Variants in TASP1 observed in about 807,000 individuals in gnomAD.
The protein encoded by TASP1 is threonine aspartase 1.
Under a neutral mutation model 56.6 loss-of-function variants are expected in TASP1, and 16 were observed. The observed-to-expected ratio is 0.28, with a 90% CI of 0.19 to 0.43. The LOEUF (loss-of-function observed/expected upper bound fraction) is 0.43. TASP1 is among the 20% of genes least tolerant of loss of function. The pLI is 1.00. For synonymous variants in TASP1, 179 were observed against 184.2 expected, an observed-to-expected ratio of 0.97 and a Z score of 0.23; for missense variants, 393 against 511.6, an observed-to-expected ratio of 0.77 and a Z score of 2.24.
the TASP1 span, among the ~76,000 whole-genome samples, chr20:13,230,751 A>G: frequency 2.0e-5 from 3 of 152,012 alleles, no homozygotes; most frequent in African/African-American, 7.2e-5. Context: ...TTGTAGAAAA[A>G]AAAAGAAAAG....
At chr20:13,168,841 C>G in the TASP1 span, 2 of 151,922 alleles carry the variant, frequency 1.3e-5, no homozygotes, top group Non-Finnish European at 2.9e-5. Flanking sequence ...TTTAGAATGC[C>G]CTACTCAGCT....
At chr20:13,165,842 C>G in the TASP1 span, 1 of 152,202 alleles carries the variant, frequency 6.6e-6, no homozygotes, top group Non-Finnish European at 1.5e-5. Flanking sequence ...CTGACTTTTT[C>G]AAGACCAACA....
intron 8 of TASP1, among the ~76,000 whole-genome samples, chr20:13,558,630 T>C (rs2046241717): frequency 6.6e-6 from 1 of 152,074 alleles, no homozygotes; most frequent in Admixed American, 6.5e-5. Context: ...ACAGATCAAA[T>C]ATATCTAATA....
At chr20:13,518,679 G>A (rs2146779633) in intron 10 of TASP1, among the ~76,000 whole-genome samples, 1 of 152,096 alleles carries the variant, frequency 6.6e-6, no homozygotes, top group Non-Finnish European at 1.5e-5. Flanking sequence ...TTCAGCAGTT[G>A]TAGGTAATAA....
At chr20:13,143,434 G>C in the TASP1 span, among the ~76,000 whole-genome samples, 1 of 152,152 alleles carries the variant, frequency 6.6e-6, no homozygotes, top group Non-Finnish European at 1.5e-5. Context: ...AGTATGCAGT[G>C]GGCATTATTA....
At chr20:13,364,461 G>A in the TASP1 span, among the ~76,000 whole-genome samples, 2 of 152,106 alleles carry the variant, frequency 1.3e-5, no homozygotes, top group Non-Finnish European at 2.9e-5. Flanking sequence ...TGGCCCCATG[G>A]CCATGGCAGG....
the TASP1 span, among the ~76,000 whole-genome samples, chr20:13,159,403 T>C: frequency 1.3e-5 from 2 of 152,162 alleles, no homozygotes; most frequent in Admixed American, 1.3e-4. Context: ...CAGGAGACCT[T>C]GCTATTTCTT....
the TASP1 span, among the ~76,000 whole-genome samples, chr20:13,196,118 T>TTAAG: frequency 1.3e-5 from 2 of 152,340 alleles, no homozygotes; most frequent in Non-Finnish European, 1.5e-5. Context: ...ATGCATTCAC[T>TTAAG]TAGCCATTAT....
At chr20:13,616,686 A>G (rs2048536291) in intron 4 of TASP1, among the ~76,000 whole-genome samples, 1 of 151,784 alleles carries the variant, frequency 6.6e-6, no homozygotes, top group African/African-American at 2.4e-5. Context: ...CTGCTTTTCC[A>G]TTAAGCAGGT....
rs151224677 is a variant in TASP1 at position 13,467,417 on chromosome 20, TAA to T, written c.985+15808_985+15809del. Among the ~76,000 whole-genome samples the T allele has an allele frequency of 6.8e-3, 856 of 126,728 alleles. 7 individuals carry two copies. The highest frequency in any genetic ancestry group is 0.021 in the African/African-American group (765 of 36,156). 83.1% of individuals were successfully genotyped at this position (126,728 alleles called of 152,430 possible). A position where few individuals can be genotyped will look rare whatever the true frequency, so the allele number is the denominator to read the frequency against. On this transcript the variant is annotated intron_variant, in intron 11 of 13. Coordinates refer to ENST00000337743, the MANE Select transcript of TASP1 (RefSeq NM_017714.3). ...TTCAACCATCTTTAAAATGTCTTCC[TAA>T]AAAAAAAAAAAAAGCTAATTACTCC... is the stretch of plus-strand genomic sequence containing the variant.
intron 7 of TASP1, among the ~76,000 whole-genome samples, chr20:13,561,657 A>T (rs1233686750): frequency 6.6e-6 from 1 of 152,130 alleles, no homozygotes; most frequent in Non-Finnish European, 1.5e-5. Context: ...ATGAGCCACC[A>T]TGCCTAGCTT....
chr20:13,444,226 A>C (rs1037618005), intron 11 of TASP1, among the ~76,000 whole-genome samples: 12 of 152,178 alleles, frequency 7.9e-5, no homozygotes, highest in African/African-American at 2.4e-4. Context: ...AACCGGACAC[A>C]CAGCTTCCTC....
chr20:13,314,494 G>GA, the TASP1 span, among the ~76,000 whole-genome samples: 4 of 150,990 alleles, frequency 2.6e-5, no homozygotes, highest in African/African-American at 9.7e-5. Flanking sequence ...TTGAGAGAGA[G>GA]AAAAAAAACC....
chr20:13,190,883 T>TA, the TASP1 span, among the ~76,000 whole-genome samples: 1 of 150,998 alleles, frequency 6.6e-6, no homozygotes, highest in Non-Finnish European at 1.5e-5. Flanking sequence ...AAATAACAGC[T>TA]AAAAAAGAAA....
At chr20:13,320,635 C>T in the TASP1 span, among the ~76,000 whole-genome samples, 1 of 152,108 alleles carries the variant, frequency 6.6e-6, no homozygotes, top group Non-Finnish European at 1.5e-5. Flanking sequence ...TTATTGCTCT[C>T]TCATTAAAAA....
At chr20:13,336,813 C>T in the TASP1 span, among the ~76,000 whole-genome samples, 1 of 152,036 alleles carries the variant, frequency 6.6e-6, no homozygotes, top group Non-Finnish European at 1.5e-5. Context: ...AGCAGGTACT[C>T]CTAACATTGG....
intron 8 of TASP1, among the ~76,000 whole-genome samples, chr20:13,540,063 C>T (rs111375065): frequency 2.4e-4 from 36 of 152,212 alleles, no homozygotes; most frequent in South Asian, 8.3e-4. Flanking sequence ...CTCACTCATA[C>T]GCAGTTTAAT....
the TASP1 span, among the ~76,000 whole-genome samples, chr20:13,268,189 C>A: frequency 6.6e-6 from 1 of 151,380 alleles, no homozygotes; most frequent in Non-Finnish European, 1.5e-5. Flanking sequence ...CTCTTCTCTT[C>A]ACTTCGCTTC....
chr20:13,421,702 C>A (rs1394155427), intron 12 of TASP1, among the ~76,000 whole-genome samples: 1 of 152,096 alleles, frequency 6.6e-6, no homozygotes, highest in East Asian at 1.9e-4. Flanking sequence ...AAGTTTGAAA[C>A]AACATCGTGT....
Sources: allele counts gnomAD v4.1 joint callset (sites outside exome capture counted in the v4.1 genomes callset), GRCh38; gene constraint gnomAD v4.1.1; transcripts MANE v1.5; gene names NCBI Gene and HGNC (gene_info 2026-07-23, HGNC 2026-07-21).